The following ZNF407 variants were observed in gnomAD, a reference collection of about 807,000 sequenced individuals.
The protein encoded by ZNF407 is zinc finger protein 407.
A neutral mutation model predicts 131.2 loss-of-function variants in ZNF407; 17 were observed. That is an observed-to-expected ratio of 0.13 (90% CI 0.09 to 0.19). The LOEUF (loss-of-function observed/expected upper bound fraction) is 0.19, where lower values mean the gene tolerates loss of function less well. Ranked by LOEUF, ZNF407 falls within the 10% of genes least tolerant of loss-of-function variation. ZNF407 has a pLI of 1.00. For synonymous variants in ZNF407, 1,156 were observed against 1,062.0 expected (o/e 1.09, Z -1.72); for missense variants, 2,681 against 2,830.6 (o/e 0.95, Z 1.20).
In ZNF407 at chr18:74,889,677, A is replaced by T. The variant is rs189762259; in HGVS notation, c.5129-241A>T. On this transcript the variant is annotated intron_variant, in intron 6 of 8. Coordinates refer to ENST00000299687, the MANE Select transcript of ZNF407 (RefSeq NM_017757.3). ...TTAGATTCCTGTTTATGTAAAATAAACCTTGACCATATAATCTATACTTTG... is the reference window on the plus strand; with the variant it reads ...TTAGATTCCTGTTTATGTAAAATAATCCTTGACCATATAATCTATACTTTG... Among the ~76,000 whole-genome samples, 9 of 152,286 alleles carry T rather than the reference A, an allele frequency of 5.9e-5. No individual in the cohort carries two copies. The East Asian group carries it at 1.7e-3, about 29-fold the overall frequency.
chr18:74,891,146 G>A (rs1971379510), intron 7 of ZNF407, among the ~76,000 whole-genome samples: 1 of 152,212 alleles, frequency 6.6e-6, no homozygotes, highest in African/African-American at 2.4e-5. Flanking sequence ...CACAGAGCTT[G>A]CAGCCAGGTC....
chr18:74,889,433 G>C (rs1440827149), intron 6 of ZNF407, among the ~76,000 whole-genome samples: 2 of 151,848 alleles, frequency 1.3e-5, no homozygotes, highest in Admixed American at 1.3e-4. Context: ...ATTTTTTGTT[G>C]CTTCTGACAC....
At chr18:75,018,868 C>T (rs1357917779) in intron 8 of ZNF407, among the ~76,000 whole-genome samples, 4 of 152,014 alleles carry the variant, frequency 2.6e-5, no homozygotes, top group African/African-American at 4.8e-5. Flanking sequence ...AGTCTACAGG[C>T]TTTGTGTGCC....
At chr18:74,620,774 GCCT>G (rs1439394930) in intron 1 of ZNF407, among the ~76,000 whole-genome samples, 198 of 152,246 alleles carry the variant, frequency 1.3e-3, no homozygotes, top group African/African-American at 4.6e-3. Context: ...AAGCTTGAAG[GCCT>G]CCTGCCAGGT....
intron 3 of ZNF407, among the ~76,000 whole-genome samples, chr18:74,694,565 C>G (rs1967307673): frequency 6.6e-6 from 1 of 151,770 alleles, no homozygotes; most frequent in South Asian, 2.1e-4. Flanking sequence ...TCACTCCTTT[C>G]TCATTCTCTG....
chr18:74,756,040 C>T (rs993937739), intron 3 of ZNF407, among the ~76,000 whole-genome samples: 4 of 150,820 alleles, frequency 2.7e-5, no homozygotes, highest in Admixed American at 6.6e-5. Context: ...ATTGCAGGTG[C>T]GCACCACCAC....
intron 3 of ZNF407, among the ~76,000 whole-genome samples, chr18:74,687,348 TCAAA>T (rs780209581): frequency 6.6e-6 from 1 of 152,028 alleles, no homozygotes; most frequent in South Asian, 2.1e-4. Flanking sequence ...ACCCTATGCC[TCAAA>T]CAAACAAACA....
chr18:74,790,172 G>C (rs1054103457), intron 4 of ZNF407, among the ~76,000 whole-genome samples: 9 of 152,028 alleles, frequency 5.9e-5, no homozygotes, highest in Non-Finnish European at 1.0e-4. Context: ...AATACTACAT[G>C]CATTATAACT....
chr18:74,864,480 T>G lies in ZNF407; in HGVS notation c.4878-12717T>G, dbSNP rs151055994. 3.0e-3 allele frequency among the ~76,000 whole-genome samples: 456 copies of G among 152,316 alleles called. 1 individual carries two copies. Among genetic ancestry groups the G allele is most frequent in the African/African-American group, 0.01 (419 of 41,560 alleles). On this transcript the variant is annotated intron_variant, in intron 4 of 8. Coordinates refer to ENST00000299687, the MANE Select transcript of ZNF407 (RefSeq NM_017757.3). ...GCATGACCTCCTTCAAGCAGTTTGG[T>G]TTCCAGTTTTGAATATGTCATTGGG...
intron 8 of ZNF407, among the ~76,000 whole-genome samples, chr18:74,958,747 C>G (rs565403533): frequency 5.9e-5 from 9 of 152,220 alleles, no homozygotes; most frequent in African/African-American, 2.2e-4. Context: ...TCATAGCTAG[C>G]AAAAAGTGTT....
chr18:74,996,139 C>T (rs1599284882), intron 8 of ZNF407, among the ~76,000 whole-genome samples: 4 of 152,164 alleles, frequency 2.6e-5, no homozygotes, highest in Admixed American at 6.5e-5. Flanking sequence ...TTAATCAGCC[C>T]GCTGAAAACG....
At position 74,741,232 on chromosome 18, in the gene ZNF407, A is replaced by G. The variant is rs548757583; in HGVS notation, c.4803-40196A>G. 2.0e-5 allele frequency among the ~76,000 whole-genome samples: 3 copies of G among 152,298 alleles called. No homozygotes were observed. The East Asian group carries it at 5.8e-4, about 29-fold the overall frequency. ...TAGTCAGGTCGGGAGCATTTTGTAT[A>G]TATACATATATACACACATACATAC... On this transcript the variant is annotated intron_variant, in intron 3 of 8. Coordinates refer to ENST00000299687, the MANE Select transcript of ZNF407 (RefSeq NM_017757.3).
intron 4 of ZNF407, among the ~76,000 whole-genome samples, chr18:74,876,495 G>T (rs568706283): frequency 6.6e-6 from 1 of 152,054 alleles, no homozygotes; most frequent in East Asian, 1.9e-4. Flanking sequence ...TATTATTAAA[G>T]GTATTGAAAG....
chr18:74,957,448 G>C (rs1273871131), intron 8 of ZNF407, among the ~76,000 whole-genome samples: 1 of 151,900 alleles, frequency 6.6e-6, no homozygotes, highest in Non-Finnish European at 1.5e-5. Context: ...TGTCTTCCTA[G>C]TGGAGCATTC....
chr18:74,982,142 A>G (rs1024336595), intron 8 of ZNF407, among the ~76,000 whole-genome samples: 1 of 151,456 alleles, frequency 6.6e-6, no homozygotes, highest in African/African-American at 2.4e-5. Context: ...ATGTGCCTAC[A>G]AATGTGCGGA....
intron 1 of ZNF407, among the ~76,000 whole-genome samples, chr18:74,623,176 A>ATG: frequency 6.7e-6 from 1 of 148,556 alleles, no homozygotes; most frequent in South Asian, 2.1e-4. Flanking sequence ...GTACGTGTGA[A>ATG]TGTGAATCCG....
intron 7 of ZNF407, among the ~76,000 whole-genome samples, chr18:74,914,796 TAGG>T (rs1442111608): frequency 3.9e-5 from 6 of 152,156 alleles, no homozygotes; most frequent in African/African-American, 1.4e-4. Flanking sequence ...AGGGTGGGGA[TAGG>T]ACTGATCCTA....
chr18:74,693,639 C>G (rs992625521), intron 3 of ZNF407, among the ~76,000 whole-genome samples: 3 of 152,136 alleles, frequency 2.0e-5, no homozygotes, highest in Admixed American at 6.6e-5. Flanking sequence ...TTTCTGTTCA[C>G]TAAGATTTCT....
rs1356710914 is a variant in ZNF407, at chr18:74,635,829, T to C, written c.4687+123T>C. The C allele has an allele frequency of 7.7e-7, 1 of 1,303,620 alleles. No individual in the cohort carries two copies. The highest frequency in any genetic ancestry group is 1.0e-6 in the Non-Finnish European group (1 of 963,670). The allele number at this position is 1,303,620 out of a possible 1,614,324, so 80.8% of individuals were successfully genotyped here. Reference sequence around the variant, plus strand: ...ACCCGGTTCACATTTCACTGCCGTGTGCTGCTCTGCTTGTCTGCAATAAGT... The same window carrying C: ...ACCCGGTTCACATTTCACTGCCGTGCGCTGCTCTGCTTGTCTGCAATAAGT... On this transcript the variant is annotated intron_variant, in intron 2 of 8. Transcript: ENST00000299687. The surrounding 1 kb of genome is among the most constrained non-coding windows in gnomAD (Gnocchi z 4.7).
Sources: allele counts gnomAD v4.1 joint callset (sites outside exome capture counted in the v4.1 genomes callset), GRCh38; gene constraint gnomAD v4.1.1; non-coding constraint Gnocchi (gnomAD v3.1); transcripts MANE v1.5; gene names NCBI Gene and HGNC (gene_info 2026-07-23, HGNC 2026-07-21).